The following ARID5B variants were observed in gnomAD, a reference collection of about 807,000 sequenced individuals.
ARID5B encodes the protein AT-rich interactive domain-containing protein 5B.
In ARID5B, 13 loss-of-function variants were observed where a neutral mutation model predicts 97.2. The ratio of observed to expected loss-of-function variants is 0.13; its 90% CI spans 0.09 to 0.21. The LOEUF (loss-of-function observed/expected upper bound fraction) is 0.21. Ranked by LOEUF, ARID5B falls within the 10% of genes least tolerant of loss-of-function variation. The pLI, the probability that ARID5B is intolerant of heterozygous loss-of-function variation, is 1.00. For missense variants in ARID5B, 1,210 were observed against 1,465.3 expected (o/e 0.83, Z 2.84); for synonymous variants, 556 against 570.3 (o/e 0.97, Z 0.36).
chr10:62,021,377 A>T (rs1467038678), intron 4 of ARID5B, among the ~76,000 whole-genome samples: 1 of 152,188 alleles, frequency 6.6e-6, no homozygotes, highest in Non-Finnish European at 1.5e-5. Flanking sequence ...GCATCTTTAA[A>T]ATGTGTATAT....
At chr10:62,002,759 T>C (rs1331447299) in intron 4 of ARID5B, among the ~76,000 whole-genome samples, 1 of 152,200 alleles carries the variant, frequency 6.6e-6, no homozygotes, top group Non-Finnish European at 1.5e-5. Flanking sequence ...ATGTTCCTAA[T>C]ATTAAACACT....
chr10:62,094,524 A>G lies in ARID5B; in HGVS notation c.*1494A>G. ...TGGGTCATGTTTTTAACCACCTGGC[A>G]ATACAGTCCACTTTCTGGTTTCTTT... On this transcript the variant is annotated 3_prime_UTR_variant, in exon 10 of 10. Transcript: ENST00000279873. 1 of 231,782 alleles carries G rather than the reference A, an allele frequency of 4.3e-6. No homozygotes were observed. The highest frequency in any genetic ancestry group is 8.5e-6 in the Non-Finnish European group (1 of 117,102). 14.4% of individuals were successfully genotyped at this position (231,782 alleles called of 1,614,324 possible). A position where few individuals can be genotyped will look rare whatever the true frequency, so the allele number is the denominator to read the frequency against.
intron 2 of ARID5B, among the ~76,000 whole-genome samples, chr10:61,902,981 A>G: frequency 6.6e-6 from 1 of 152,166 alleles, no homozygotes; most frequent in East Asian, 1.9e-4. Flanking sequence ...CTGGAATAAT[A>G]CATTCAAATA....
At chr10:62,062,585 C>G (rs1357375048) in intron 7 of ARID5B, among the ~76,000 whole-genome samples, 2 of 152,070 alleles carry the variant, frequency 1.3e-5, no homozygotes, top group Non-Finnish European at 1.5e-5. Flanking sequence ...TTTCTTCATG[C>G]CATTACTACA....
At chr10:61,957,291 C>T (rs554718396) in intron 3 of ARID5B, among the ~76,000 whole-genome samples, 2 of 152,144 alleles carry the variant, frequency 1.3e-5, no homozygotes, top group South Asian at 2.1e-4. Context: ...GTTGTTGAGA[C>T]GGAGTTTCTC....
chr10:62,059,148 T>C, intron 6 of ARID5B, 95 bp from the exon 7 acceptor site: 1 of 1,041,266 alleles, frequency 9.6e-7, no homozygotes, highest in Non-Finnish European at 1.4e-6. Flanking sequence ...TTTCTTTTTT[T>C]CTCTTTCTCG....
intron 4 of ARID5B, among the ~76,000 whole-genome samples, chr10:62,022,006 C>G (rs1839362364): frequency 6.6e-6 from 1 of 152,188 alleles, no homozygotes. Flanking sequence ...GTTTTTACTT[C>G]TTCTAAATTT....
At chr10:62,082,960 G>A (rs1840232828) in intron 8 of ARID5B, among the ~76,000 whole-genome samples, 1 of 151,732 alleles carries the variant, frequency 6.6e-6, no homozygotes, top group Admixed American at 6.6e-5. Flanking sequence ...TGCCTTGCTT[G>A]TTTTATTTTA....
At position 62,083,730 on chromosome 10, in the gene ARID5B, T is replaced by A. The variant is rs1041760515; in HGVS notation, c.1200-1972T>A. 4.6e-5 allele frequency among the ~76,000 whole-genome samples: 7 copies of A among 152,148 alleles called. No individual in the cohort carries two copies. In the East Asian group the frequency reaches 1.3e-3, roughly 29 times the overall value. On this transcript the variant is annotated intron_variant, in intron 8 of 9. Transcript: ENST00000279873. ...ACAATAAAATATGTTTCCATTAAAG[T>A]CAATTTAAAATATCTTTCCAGTTTA...
At chr10:62,069,105 C>T (rs1840029322) in intron 7 of ARID5B, among the ~76,000 whole-genome samples, 1 of 152,144 alleles carries the variant, frequency 6.6e-6, no homozygotes, top group Admixed American at 6.5e-5. Context: ...GAGAAGCTGG[C>T]ATAAAAATAT....
At chr10:62,064,802 C>T (rs527363718) in intron 7 of ARID5B, among the ~76,000 whole-genome samples, 327 of 152,142 alleles carry the variant, frequency 2.1e-3, no homozygotes, top group Non-Finnish European at 4.1e-3. Context: ...GGCGGAGTCC[C>T]TCTCTGTGTT....
At chr10:62,030,440 ATTTT>A (rs1480175929) in intron 4 of ARID5B, among the ~76,000 whole-genome samples, 1 of 152,146 alleles carries the variant, frequency 6.6e-6, no homozygotes, top group East Asian at 1.9e-4. Context: ...CAATGCAGGT[ATTTT>A]AAGTAAGGAA....
chr10:62,016,587 C>G (rs1259113771), intron 4 of ARID5B, among the ~76,000 whole-genome samples: 1 of 152,184 alleles, frequency 6.6e-6, no homozygotes, highest in African/African-American at 2.4e-5. Context: ...GTCTTAAAGA[C>G]AATTTTACCC....
intron 4 of ARID5B, chr10:62,024,656 AT>A (rs1338219499): frequency 4.4e-5 from 17 of 383,322 alleles, no homozygotes; most frequent in Admixed American, 4.5e-5. Context: ...ATATTTTCTG[AT>A]TTTTTTTTCT....
At chr10:62,049,337 A>G in intron 4 of ARID5B, 1 of 1,522,954 alleles carries the variant, frequency 6.6e-7, no homozygotes, top group Non-Finnish European at 8.8e-7. Context: ...TTGTAAGCAG[A>G]GCGCTGAGCC....
At chr10:61,938,964 AGTGTGTGTGTGTGTGTGTGTGT>A (rs60329829) in intron 2 of ARID5B, among the ~76,000 whole-genome samples, 1 of 125,152 alleles carries the variant, frequency 8.0e-6, no homozygotes, top group South Asian at 2.8e-4. Flanking sequence ...GAATTGGAGA[AGTGTGTGTGTGTGTGTGTGTGT>A]GTGTGTGTGT....
At chr10:61,951,785 T>C (rs769089059) in intron 3 of ARID5B, among the ~76,000 whole-genome samples, 6 of 152,346 alleles carry the variant, frequency 3.9e-5, no homozygotes, top group Middle Eastern at 6.8e-3. Flanking sequence ...ATATGGATAT[T>C]ATTTTTCCTC....
intron 3 of ARID5B, among the ~76,000 whole-genome samples, chr10:61,948,960 G>C (rs1449148371): frequency 1.3e-5 from 2 of 152,142 alleles, no homozygotes; most frequent in African/African-American, 4.8e-5. Context: ...TTTTTTGTTT[G>C]TTTTTATACA....
At chr10:61,940,946 T>C (rs1208286137) in intron 3 of ARID5B, among the ~76,000 whole-genome samples, 2 of 11,148 alleles carry the variant, frequency 1.8e-4, no homozygotes, top group Admixed American at 1.3e-3. Context: ...TATATATATA[T>C]ATATATATAT....
Sources: gnomAD v4.1 joint callset for allele counts (sites outside exome capture counted in the v4.1 genomes callset) on GRCh38, gnomAD v4.1.1 for gene constraint, MANE v1.5 for transcripts, NCBI Gene and HGNC (gene_info 2026-07-23, HGNC 2026-07-21) for gene names.